Variants in LRP2 observed in about 807,000 individuals in gnomAD.
The protein encoded by LRP2 is LDL receptor related protein 2.
In LRP2, 172 loss-of-function variants were observed where a neutral mutation model predicts 531.0. The observed-to-expected ratio is 0.32, with a 90% CI of 0.29 to 0.37. The LOEUF is 0.37. Among genes scored for constraint, LRP2 ranks in the 10% least tolerant of loss-of-function variants. The probability of loss-of-function intolerance (pLI) is 1.00; values close to 1 mark genes in which losing one functional copy is unlikely to be tolerated. For missense variants in LRP2, 5,167 were observed against 5,868.3 expected (o/e 0.88, Z 3.90); for synonymous variants, 1,992 against 2,027.6 (o/e 0.98, Z 0.47).
chr2:169,202,736 G>A lies in LRP2; in HGVS notation c.8209+20C>T. On this transcript the variant is annotated intron_variant, in intron 43 of 78. Transcript: ENST00000649046. The stretch of plus-strand genomic sequence containing the variant: ...AAGATGCCATTAGCTCCTACCAAAA[G>A]CGCCAAGAGTCCAACTCACCACAGA... 1 of 1,613,400 alleles carries A rather than the reference G, an allele frequency of 6.2e-7. No individual in the cohort carries two copies. Among genetic ancestry groups the A allele is most frequent in the South Asian group, 1.1e-5 (1 of 91,074 alleles).
intron 29 of LRP2, among the ~76,000 whole-genome samples, chr2:169,233,973 T>G (rs1188006958): frequency 1.3e-5 from 2 of 152,150 alleles, no homozygotes; most frequent in Non-Finnish European, 2.9e-5. Context: ...CGCCCCAGCC[T>G]TCACTCCACC....
intron 1 of LRP2, among the ~76,000 whole-genome samples, chr2:169,327,738 C>G (rs1412386688): frequency 7.5e-6 from 1 of 133,066 alleles, no homozygotes. Context: ...GGCCAGCCGC[C>G]CCGTCCGGGA....
At chr2:169,201,981 A>G (rs1321323058) in intron 43 of LRP2, 111 bp from the exon 44 acceptor site, 4 of 1,391,570 alleles carry the variant, frequency 2.9e-6, no homozygotes, top group African/African-American at 2.9e-5. Flanking sequence ...TTCCAAGGCA[A>G]AAAACGCTGC....
chr2:169,292,876 T>G (rs1433502875), intron 6 of LRP2, among the ~76,000 whole-genome samples: 1 of 151,016 alleles, frequency 6.6e-6, no homozygotes, highest in Non-Finnish European at 1.5e-5. Flanking sequence ...CAAGATGGTT[T>G]GCAATGCGTT....
chr2:169,314,134 C>T (rs960022889), intron 3 of LRP2, among the ~76,000 whole-genome samples: 9 of 152,120 alleles, frequency 5.9e-5, no homozygotes, highest in African/African-American at 1.9e-4. Flanking sequence ...CACAGTGGCT[C>T]GTGCCTTTAA....
intron 34 of LRP2, among the ~76,000 whole-genome samples, chr2:169,219,911 C>T (rs978334392): frequency 3.3e-5 from 5 of 152,124 alleles, no homozygotes; most frequent in Admixed American, 6.6e-5. Flanking sequence ...GATTTGTCCC[C>T]AAATGACCTT....
At chr2:169,295,157 C>A (rs1215141950) in intron 4 of LRP2, among the ~76,000 whole-genome samples, 1 of 152,344 alleles carries the variant, frequency 6.6e-6, no homozygotes, top group African/African-American at 2.4e-5. Flanking sequence ...AAGGCCATTT[C>A]TTCCACTGGC....
At chr2:169,196,806 C>T in intron 46 of LRP2, 105 bp downstream of exon 46, 1 of 1,510,930 alleles carries the variant, frequency 6.6e-7, no homozygotes, top group Non-Finnish European at 9.1e-7. Flanking sequence ...ACAGGAAGTC[C>T]AAGCATTCAG....
At chr2:169,319,591 C>A (rs1226549120) in intron 2 of LRP2, among the ~76,000 whole-genome samples, 4 of 152,162 alleles carry the variant, frequency 2.6e-5, no homozygotes, top group Admixed American at 2.6e-4. Flanking sequence ...GATACACTGC[C>A]CTTGCCTTTT....
At chr2:169,153,534 A>G (rs1686220601) in intron 66 of LRP2, among the ~76,000 whole-genome samples, 1 of 152,240 alleles carries the variant, frequency 6.6e-6, no homozygotes, top group Admixed American at 6.5e-5. Context: ...AAATACACCA[A>G]TAATAAATCC....
chr2:169,225,475 G>A, intron 32 of LRP2, 22 bp from the exon 33 acceptor site: 1 of 1,613,552 alleles, frequency 6.2e-7, no homozygotes, highest in Non-Finnish European at 8.5e-7. Context: ...GACAAGGGGA[G>A]GTGAGCAGTT....
rs919936510 is a variant in LRP2, at chr2:169,204,397, A to G, written c.7716-126T>C. On this transcript the variant is annotated intron_variant, in intron 41 of 78. Transcript: ENST00000649046. ...TGCAAACTTTCTTTTCAAATGGGGC[A>G]TATGGCAGCTGGAAATGTTTCTTCT... The G allele has an allele frequency of 4.6e-6, 4 of 866,226 alleles. No homozygotes were observed. In the Admixed American group the frequency reaches 5.4e-5, roughly 12 times the overall value. The allele number at this position is 866,226 out of a possible 1,614,324, so 53.7% of individuals were successfully genotyped here.
At chr2:169,272,687 G>T (rs1683449795) in intron 15 of LRP2, among the ~76,000 whole-genome samples, 1 of 152,152 alleles carries the variant, frequency 6.6e-6, no homozygotes. Flanking sequence ...GAAAACCTTA[G>T]ATGTGGGATT....
chr2:169,241,070 G>C lies in LRP2; in HGVS notation c.3963C>G (p.Gly1321=). Residue 1321 remains glycine, a synonymous_variant, in exon 25 of 79, where the codon GGC becomes GGG. Coordinates refer to ENST00000649046, the MANE Select transcript of LRP2 (RefSeq NM_004525.3). Reference sequence around the variant, plus strand: ...CACTCAGATTCACACAGATGTTATGGCCAAGACACTGCCATTGCCAACTAG... The same window carrying C: ...CACTCAGATTCACACAGATGTTATGCCCAAGACACTGCCATTGCCAACTAG... ...RCPSWQWQCL[G]HNICVNLSVV... is the part of the protein sequence containing the mutation. The C allele has an allele frequency of 6.2e-7, 1 of 1,614,100 alleles. No individual in the cohort carries two copies. The highest frequency in any genetic ancestry group is 8.5e-7 in the Non-Finnish European group (1 of 1,179,984).
At chr2:169,146,370 C>T (rs1283481138) in intron 69 of LRP2, among the ~76,000 whole-genome samples, 1 of 152,144 alleles carries the variant, frequency 6.6e-6, no homozygotes, top group African/African-American at 2.4e-5. Flanking sequence ...TACAGTTGTG[C>T]ATACTGGGCA....
In LRP2 at chr2:169,169,743, C is replaced by G; in HGVS notation, c.11456G>C (p.Gly3819Ala). Reference sequence around the variant, plus strand: ...AGACGCATCCAAACAGTCAGCGGATCCATCGCATTTCAGTTCACTGTGTAC... The same window carrying G: ...AGACGCATCCAAACAGTCAGCGGATGCATCGCATTTCAGTTCACTGTGTAC... ...HCVHSELKCDGSADCLDASDE... is the reference protein window; with the variant it reads ...HCVHSELKCDASADCLDASDE... The change falls in exon 60 of 79, where the codon GGA becomes GCA. Residue 3819 changes from glycine (G) to alanine (A), a missense_variant. By Grantham distance (60) the Gly-to-Ala change is moderately conservative (BLOSUM62 0). Transcript: ENST00000649046. 1 of 1,614,168 alleles carries G rather than the reference C, an allele frequency of 6.2e-7. No homozygotes were observed. Among genetic ancestry groups the G allele is most frequent in the East Asian group, 2.2e-5 (1 of 44,876 alleles).
At chr2:169,353,267 G>A (rs1305307264) in intron 1 of LRP2, among the ~76,000 whole-genome samples, 1 of 152,110 alleles carries the variant, frequency 6.6e-6, no homozygotes, top group Non-Finnish European at 1.5e-5. Flanking sequence ...TCTCAAAGTT[G>A]GATTCCCCCT....
intron 15 of LRP2, among the ~76,000 whole-genome samples, chr2:169,272,377 A>G (rs1232436088): frequency 1.3e-5 from 2 of 152,132 alleles, no homozygotes; most frequent in African/African-American, 2.4e-5. Context: ...AAAGGTGAAA[A>G]ACTGTGTGAG....
intron 53 of LRP2, 55 bp downstream of exon 53, chr2:169,177,748 A>G (rs1687252467): frequency 7.1e-7 from 1 of 1,403,594 alleles, no homozygotes; most frequent in Non-Finnish European, 1.0e-6. Context: ...AAAGACAATC[A>G]TGACATGCAC....
Sources: allele counts gnomAD v4.1 joint callset (sites outside exome capture counted in the v4.1 genomes callset), GRCh38; gene constraint gnomAD v4.1.1; transcripts MANE v1.5; gene names NCBI Gene and HGNC (gene_info 2026-07-23, HGNC 2026-07-21).